The following PUDP variants were observed in gnomAD, a reference collection of about 807,000 sequenced individuals.
The protein encoded by PUDP is pseudouridine-5'-phosphatase.
Under a neutral mutation model 9.4 loss-of-function variants are expected in PUDP, and 8 were observed. The ratio of observed to expected loss-of-function variants is 0.85; its 90% CI spans 0.50 to 1.53. The LOEUF is 1.53. PUDP is among the 40% of genes most tolerant of loss of function. The pLI is 0.00. For synonymous variants in PUDP, 99 were observed against 80.7 expected (o/e 1.23, Z -1.22); for missense variants, 188 against 189.7 (o/e 0.99, Z 0.05).
intron 3 of PUDP, among the ~76,000 whole-genome samples, chrX:6,773,802 T>C (rs983672023): frequency 9.0e-6 from 1 of 111,489 alleles, no homozygotes; most frequent in Non-Finnish European, 1.9e-5. Flanking sequence ...ACCCCTTCCC[T>C]AGAAATTTCT....
intron 3 of PUDP, among the ~76,000 whole-genome samples, chrX:6,887,405 A>T (rs933979695): frequency 2.7e-5 from 3 of 110,050 alleles, no homozygotes; most frequent in African/African-American, 9.9e-5. Context: ...TGGTAAATTA[A>T]GATGTAGAAA....
chrX:7,117,132 T>C, intron 1 of PUDP: 1 of 1,086,761 alleles, frequency 9.2e-7, no homozygotes. Context: ...TACAGAAAAT[T>C]GGTACCAGAA....
chrX:6,750,406 T>C (rs1054457182), intron 3 of PUDP, among the ~76,000 whole-genome samples: 1 of 110,686 alleles, frequency 9.0e-6, no homozygotes, highest in African/African-American at 3.3e-5. Flanking sequence ...TGTGTGTGTC[T>C]GTGTGTGTGT....
intron 3 of PUDP, among the ~76,000 whole-genome samples, chrX:6,951,668 TG>T (rs1176471778): frequency 9.0e-6 from 1 of 111,722 alleles, no homozygotes; most frequent in Non-Finnish European, 1.9e-5. Context: ...TGCTCTTGAG[TG>T]GAAATGGCCC....
At chrX:7,017,474 A>G (rs190876534) in intron 1 of PUDP, among the ~76,000 whole-genome samples, 6 of 112,508 alleles carry the variant, frequency 5.3e-5, no homozygotes, top group African/African-American at 1.3e-4. Context: ...TCTTGGTTCT[A>G]TGTTCCAGTT....
At chrX:6,939,004 A>G (rs936545975) in intron 3 of PUDP, among the ~76,000 whole-genome samples, 3 of 109,571 alleles carry the variant, frequency 2.7e-5, no homozygotes, top group Admixed American at 2.0e-4. Flanking sequence ...CTTTTTACAA[A>G]CTCATTCTCA....
At chrX:7,016,568 C>T (rs1929552089) in intron 1 of PUDP, among the ~76,000 whole-genome samples, 1 of 111,007 alleles carries the variant, frequency 9.0e-6, no homozygotes, top group African/African-American at 3.3e-5. Flanking sequence ...TCCTGAACTT[C>T]ACAATTCATA....
chrX:6,838,926 G>C (rs1254910782), intron 3 of PUDP, among the ~76,000 whole-genome samples: 1 of 112,141 alleles, frequency 8.9e-6, no homozygotes, highest in African/African-American at 3.2e-5. Flanking sequence ...GGGTCCACAA[G>C]AGAAGTTTCT....
At chrX:7,011,180 A>AT (rs1279439925) in intron 1 of PUDP, among the ~76,000 whole-genome samples, 1 of 112,080 alleles carries the variant, frequency 8.9e-6, no homozygotes, top group Non-Finnish European at 1.9e-5. Context: ...GGCCAATTGC[A>AT]GACAATGGGG....
intron 1 of PUDP, among the ~76,000 whole-genome samples, chrX:7,004,508 T>C (rs918507880): frequency 1.8e-5 from 2 of 111,934 alleles, no homozygotes; most frequent in African/African-American, 6.5e-5. Flanking sequence ...CCAAACACTT[T>C]GCTCATTTCC....
At chrX:6,992,944 T>C (rs1181252351) in intron 1 of PUDP, among the ~76,000 whole-genome samples, 1 of 111,931 alleles carries the variant, frequency 8.9e-6, no homozygotes, top group African/African-American at 3.2e-5. Context: ...TCTCCCATGC[T>C]GAATGCTTCC....
At chrX:7,012,083 T>C (rs1252551906) in intron 1 of PUDP, among the ~76,000 whole-genome samples, 1 of 112,313 alleles carries the variant, frequency 8.9e-6, no homozygotes, top group Non-Finnish European at 1.9e-5. Flanking sequence ...TATAACACCG[T>C]TAGAGTAAAA....
At chrX:6,992,311 C>T (rs868185495) in intron 1 of PUDP, among the ~76,000 whole-genome samples, 2 of 67,555 alleles carry the variant, frequency 3.0e-5, no homozygotes, top group Non-Finnish European at 2.8e-5. Context: ...CTCGCTCTGT[C>T]GCCCAGGCTG....
chrX:7,087,567 T>C (rs1415918920), intron 2 of PUDP, among the ~76,000 whole-genome samples: 1 of 112,448 alleles, frequency 8.9e-6, no homozygotes, highest in African/African-American at 3.2e-5. Flanking sequence ...ATCTGTGAGA[T>C]GACCTTAAAC....
At chrX:7,072,778 C>T (rs1360232808) in intron 3 of PUDP, among the ~76,000 whole-genome samples, 1 of 99,629 alleles carries the variant, frequency 1.0e-5, no homozygotes, top group Non-Finnish European at 2.0e-5. Flanking sequence ...CGTGCCACTG[C>T]ACTCCAGCCT....
At chrX:7,105,551 T>C in intron 2 of PUDP, 69 bp downstream of exon 2, 1 of 816,558 alleles carries the variant, frequency 1.2e-6, no homozygotes, top group East Asian at 3.3e-5. Flanking sequence ...TGCTAGACTT[T>C]AAAGGTGATT....
At position 6,806,643 on chromosome X, in the gene PUDP, A is replaced by G. The variant is rs1318446512; in HGVS notation, c.*248-100177T>C. On this transcript the variant is annotated intron_variant and NMD_transcript_variant, in intron 3 of 3. Transcript: ENST00000655425. The stretch of plus-strand genomic sequence containing the variant: ...CATGCATGGCCTAGGTGAGATTTTT[A>G]TGATGGCTTTTAGGTTGGAAGGGGA... Among the ~76,000 whole-genome samples the G allele has an allele frequency of 1.4e-4, 16 of 111,635 alleles. No homozygotes were observed. In the Admixed American group the frequency reaches 1.5e-3, roughly 11 times the overall value.
At chrX:6,726,442 A>C (rs990638142), upstream of PUDP, among the ~76,000 whole-genome samples, 1 of 111,919 alleles carries the variant, frequency 8.9e-6, no homozygotes, top group Non-Finnish European at 1.9e-5. Context: ...AATGTTCCCA[A>C]CACGAAGAAA....
chrX:6,889,979 G>C (rs1927488858), intron 3 of PUDP, among the ~76,000 whole-genome samples: 1 of 111,726 alleles, frequency 9.0e-6, no homozygotes, highest in Admixed American at 9.5e-5. Context: ...GAGGTAGCTA[G>C]ATACTACAGG....
Sources: allele counts gnomAD v4.1 joint callset (sites outside exome capture counted in the v4.1 genomes callset), GRCh38; gene constraint gnomAD v4.1.1; transcripts MANE v1.5; gene names NCBI Gene and HGNC (gene_info 2026-07-23, HGNC 2026-07-21).